CUX1: variants seen among roughly 807,000 people sequenced by gnomAD.
The protein encoded by CUX1 is protein CASP.
Under a neutral mutation model 158.8 loss-of-function variants are expected in CUX1, and 31 were observed. That is an observed-to-expected ratio of 0.20 (90% CI 0.15 to 0.26). The LOEUF is 0.26. Among genes scored for constraint, CUX1 ranks in the 10% least tolerant of loss-of-function variants. The pLI is 1.00. For synonymous variants in CUX1, 879 were observed against 862.1 expected (o/e 1.02, Z -0.34); for missense variants, 1,589 against 2,014.6 (o/e 0.79, Z 4.04).
At chr7:101,888,183 A>G (rs528076468) in intron 1 of CUX1, among the ~76,000 whole-genome samples, 29 of 151,740 alleles carry the variant, frequency 1.9e-4, no homozygotes, top group African/African-American at 6.6e-4. Context: ...AAAATACAAA[A>G]ATCTGGGTGT....
At chr7:102,160,176 C>T (rs1585974442) in intron 9 of CUX1, among the ~76,000 whole-genome samples, 1 of 135,226 alleles carries the variant, frequency 7.4e-6, no homozygotes, top group South Asian at 2.3e-4. Flanking sequence ...GAGAATCTGT[C>T]TAAAAAAAAA....
chr7:101,817,315 T>G (rs1193264617), upstream of CUX1: 2 of 984,306 alleles, frequency 2.0e-6, no homozygotes, highest in African/African-American at 3.5e-5. The surrounding 1 kb of genome is among the most constrained non-coding windows in gnomAD (Gnocchi z 4.1). Context: ...CCCTCGGGGC[T>G]TCTGCCCTCT....
At chr7:102,260,985 T>C (rs78295173), downstream of CUX1, among the ~76,000 whole-genome samples, 2 of 152,234 alleles carry the variant, frequency 1.3e-5, no homozygotes, top group African/African-American at 4.8e-5. Context: ...TGGGCCTGCA[T>C]GTACGGACCC....
chr7:102,186,576 A>AGTAT (rs1554515325), intron 11 of CUX1, among the ~76,000 whole-genome samples: 6 of 112,704 alleles, frequency 5.3e-5, no homozygotes, highest in African/African-American at 1.8e-4. Flanking sequence ...AAACCTAGAT[A>AGTAT]GTATATATAT....
chr7:102,003,984 A>G (rs990351198), intron 2 of CUX1, among the ~76,000 whole-genome samples: 6 of 152,324 alleles, frequency 3.9e-5, no homozygotes, highest in Non-Finnish European at 7.3e-5. Context: ...TCTACAAACT[A>G]TATGTATACA....
At chr7:102,153,670 A>T (rs1835939773) in intron 8 of CUX1, 1 of 152,260 alleles carries the variant, frequency 6.6e-6, no homozygotes, top group Non-Finnish European at 1.5e-5. Context: ...TTTCTCCTTC[A>T]ATTCGCTTGA....
intron 2 of CUX1, among the ~76,000 whole-genome samples, chr7:102,000,932 A>T (rs535550274): frequency 3.2e-4 from 49 of 151,982 alleles, no homozygotes; most frequent in Non-Finnish European, 6.6e-4. Context: ...TCACCATGCC[A>T]GGCTAATACT....
chr7:102,167,059 GGAGTTCAA>G (rs1554509071), intron 9 of CUX1, among the ~76,000 whole-genome samples: 1 of 152,102 alleles, frequency 6.6e-6, no homozygotes. Flanking sequence ...CTTGAGGTCA[GGAGTTCAA>G]GACCAGCCTG....
intron 5 of CUX1, among the ~76,000 whole-genome samples, chr7:102,100,473 A>G (rs905093393): frequency 7.2e-5 from 11 of 152,216 alleles, no homozygotes; most frequent in Admixed American, 5.2e-4. Flanking sequence ...TTGGCACTCA[A>G]TAGTACCTGC....
intron 17 of CUX1, chr7:102,277,930 CT>C: frequency 8.7e-7 from 1 of 1,145,600 alleles, no homozygotes; most frequent in Non-Finnish European, 1.2e-6. Flanking sequence ...CACCCCTTTC[CT>C]TGCCCCTCCC....
At chr7:101,929,438 C>G (rs528714711) in intron 2 of CUX1, among the ~76,000 whole-genome samples, 141 of 152,256 alleles carry the variant, frequency 9.3e-4, no homozygotes, top group South Asian at 6.4e-3. Flanking sequence ...GGTCAATAAC[C>G]TCAACTGAAA....
chr7:102,197,212 G>C lies in CUX1; in HGVS notation c.1801G>C (p.Val601Leu), dbSNP rs781942626. 2 of 1,614,218 alleles carry C rather than the reference G, an allele frequency of 1.2e-6. No individual in the cohort carries two copies. The highest frequency in any genetic ancestry group is 2.2e-5 in the South Asian group (2 of 91,088). Residue 601 changes from valine (V) to leucine (L), a missense_variant, in exon 15 of 24, where the codon GTT (valine) becomes CTT (leucine). Transcript: ENST00000292535. ...GCCCAAGCCATGGAATAAACTGACT[G>C]TTCGTGGCAAGGAGCCATTTCACAA... ...ARPKPWNKLT[V>L]RGKEPFHKMK...
chr7:101,962,835 C>G (rs1003994617), intron 2 of CUX1, among the ~76,000 whole-genome samples: 7 of 152,156 alleles, frequency 4.6e-5, no homozygotes, highest in Non-Finnish European at 8.8e-5. Context: ...ATCCTCCCAC[C>G]TCAGCCTCCT....
intron 18 of CUX1, among the ~76,000 whole-genome samples, chr7:102,279,450 G>C (rs1490552782): frequency 4.6e-5 from 7 of 152,216 alleles, no homozygotes; most frequent in African/African-American, 1.7e-4. Context: ...TTCTGGGCTA[G>C]GGAGGCCTGT....
chr7:101,872,742 A>AT lies in CUX1; in HGVS notation c.31-43367dup, dbSNP rs201240702. 6.9e-3 allele frequency among the ~76,000 whole-genome samples: 1,049 copies of AT among 151,692 alleles called. 12 individuals are homozygous for AT. The highest frequency in any genetic ancestry group is 0.023 in the African/African-American group (967 of 41,310). On this transcript the variant is annotated intron_variant, in intron 1 of 23. Coordinates refer to ENST00000292535, the MANE Select transcript of CUX1 (RefSeq NM_181552.4). ...AGGTTAAAGTTTTCAAGATGAGGGTATTTTTTCCCCCTCTCTGTTAGAGAA... is the reference window on the plus strand; with the variant it reads ...AGGTTAAAGTTTTCAAGATGAGGGTATTTTTTTCCCCCTCTCTGTTAGAGAA...
At chr7:102,046,585 T>G in intron 3 of CUX1, among the ~76,000 whole-genome samples, 1 of 133,458 alleles carries the variant, frequency 7.5e-6, no homozygotes, top group East Asian at 2.1e-4. Context: ...TTTTTTTTTT[T>G]TTTTTTTTTT....
At chr7:101,865,524 T>A (rs1316297276) in intron 1 of CUX1, among the ~76,000 whole-genome samples, 2 of 152,238 alleles carry the variant, frequency 1.3e-5, no homozygotes, top group Non-Finnish European at 2.9e-5. Context: ...CTGGCAATCC[T>A]GTCTACTTTA....
chr7:101,840,155 G>C (rs780732426), intron 1 of CUX1, among the ~76,000 whole-genome samples: 7 of 152,226 alleles, frequency 4.6e-5, no homozygotes, highest in Non-Finnish European at 1.0e-4. Flanking sequence ...AAGCTGGGAA[G>C]CTTGCTGTTA....
chr7:102,149,371 C>A (rs1554502936), intron 8 of CUX1, among the ~76,000 whole-genome samples: 1 of 152,160 alleles, frequency 6.6e-6, no homozygotes, highest in African/African-American at 2.4e-5. Flanking sequence ...CTTCCGCCTC[C>A]CACTGGGTAG....
Sources: gnomAD v4.1 joint callset for allele counts (sites outside exome capture counted in the v4.1 genomes callset) on GRCh38, gnomAD v4.1.1 for gene constraint, Gnocchi (gnomAD v3.1) non-coding constraint, MANE v1.5 for transcripts, NCBI Gene and HGNC (gene_info 2026-07-23, HGNC 2026-07-21) for gene names.